BORCS7: variants seen among roughly 807,000 people sequenced by gnomAD.
The protein encoded by BORCS7 is BLOC-1 related complex subunit 7.
In BORCS7, 20 loss-of-function variants were observed where a neutral mutation model predicts 17.5. The ratio of observed to expected loss-of-function variants is 1.14; its 90% CI spans 0.80 to 1.66. The LOEUF (loss-of-function observed/expected upper bound fraction) is 1.66, where lower values mean the gene tolerates loss of function less well. Ranked by LOEUF, BORCS7 falls within the 40% of genes most tolerant of loss-of-function variation. BORCS7 has a pLI of 0.00. For missense variants in BORCS7, 122 were observed against 129.7 expected, an observed-to-expected ratio of 0.94 and a Z score of 0.29; for synonymous variants, 57 against 49.8, an observed-to-expected ratio of 1.14 and a Z score of -0.61.
Position 102,860,386 on chromosome 10 carries a change from T to G in BORCS7, c.196T>G (p.Ser66Ala). 2 of 1,614,036 alleles carry G rather than the reference T, an allele frequency of 1.2e-6. No homozygotes were observed. The highest frequency in any genetic ancestry group is 8.5e-7 in the Non-Finnish European group (1 of 1,179,926). The change falls in exon 2 of 5, where the codon TCA (serine) becomes GCA (alanine). Residue 66 changes from serine to alanine, a missense_variant. Coordinates refer to ENST00000339834, the MANE Select transcript of BORCS7 (RefSeq NM_001136200.2). ...ACTCCAGGAAGATGCCATCTTGCACTCAGAAGATGTAAGAAACAACTTTTT... is the reference window on the plus strand; with the variant it reads ...ACTCCAGGAAGATGCCATCTTGCACGCAGAAGATGTAAGAAACAACTTTTT... ...MVLQEDAILH[S>A]EDSLRKMAII...
intron 1 of BORCS7, among the ~76,000 whole-genome samples, chr10:102,859,816 G>C (rs944810230): frequency 4.0e-5 from 6 of 151,594 alleles, no homozygotes; most frequent in Non-Finnish European, 7.4e-5. Flanking sequence ...CACCCACCTT[G>C]GCCTCCCGAA....
In BORCS7 at chr10:102,863,585, T is replaced by A. The variant is rs1489250954; in HGVS notation, c.*661T>A. On this transcript the variant is annotated 3_prime_UTR_variant, in exon 5 of 5. Coordinates refer to ENST00000339834, the MANE Select transcript of BORCS7 (RefSeq NM_001136200.2). ...TTTCAGTACTTAAGCAAATACTGAG[T>A]AGTGTTTTAAATTCAGAAATAGAGC... 1.3e-5 allele frequency: 2 copies of A among 152,166 alleles called. No homozygotes were observed. The highest frequency in any genetic ancestry group is 4.8e-5 in the African/African-American group (2 of 41,442). 9.4% of individuals were successfully genotyped at this position (152,166 alleles called of 1,614,324 possible).
chr10:102,855,751 T>TG (rs1292692751), intron 1 of BORCS7, among the ~76,000 whole-genome samples: 4 of 151,992 alleles, frequency 2.6e-5, no homozygotes, highest in African/African-American at 9.7e-5. Context: ...GGTTAATCTT[T>TG]GTTTGTTTGT....
rs1844544324 is a variant in BORCS7 at position 102,863,025 on chromosome 10, A to T, written c.*101A>T. On this transcript the variant is annotated 3_prime_UTR_variant, in exon 5 of 5. Coordinates refer to ENST00000339834, the MANE Select transcript of BORCS7 (RefSeq NM_001136200.2). ...GTTTGGTTTTCTATTTTCTTCTCCA[A>T]AAGTTAAGTTAGAAAAGTTCTGTGT... The T allele has an allele frequency of 1.7e-6, 2 of 1,159,196 alleles. No homozygotes were observed. The highest frequency in any genetic ancestry group is 4.7e-5 in the East Asian group (2 of 42,284). 71.8% of individuals were successfully genotyped at this position (1,159,196 alleles called of 1,614,324 possible). A position where few individuals can be genotyped will look rare whatever the true frequency, so the allele number is the denominator to read the frequency against.
chr10:102,854,293 G>C lies in BORCS7; in HGVS notation c.7G>C (p.Ala3Pro), dbSNP rs763774245. 1.2e-6 allele frequency: 2 copies of C among 1,605,984 alleles called. No individual in the cohort carries two copies. The highest frequency in any genetic ancestry group is 2.7e-5 in the African/African-American group (2 of 74,864). The change falls in exon 1 of 5, where the codon GCG becomes CCG. Residue 3 changes from alanine to proline, a missense_variant. Transcript: ENST00000339834. ...CAACCGTTCGCTAACTGAAATGATG[G>C]CGACTGGAACGCCAGAGTCTCAAGC... MM[A>P]TGTPESQARF...
chr10:102,862,736 C>T (rs780974939), intron 4 of BORCS7, 137 bp from the exon 5 acceptor site: 7 of 705,420 alleles, frequency 9.9e-6, no homozygotes, highest in Admixed American at 2.4e-5. Context: ...ATTGCTTGAG[C>T]CCAGAGTTTG....
intron 1 of BORCS7, 31 bp downstream of exon 1, chr10:102,854,458 T>C: frequency 6.6e-7 from 1 of 1,513,432 alleles, no homozygotes; most frequent in Admixed American, 2.2e-5. Flanking sequence ...CCCGGCCTGA[T>C]AGTCCGGGGA....
At chr10:102,861,554 T>C (rs1177620168) in intron 3 of BORCS7, among the ~76,000 whole-genome samples, 1 of 150,458 alleles carries the variant, frequency 6.6e-6, no homozygotes, top group Non-Finnish European at 1.5e-5. Flanking sequence ...CCGTCTCTAC[T>C]AAAAATACAA....
intron 1 of BORCS7, among the ~76,000 whole-genome samples, chr10:102,856,381 C>T (rs1844427904): frequency 6.7e-6 from 1 of 149,826 alleles, no homozygotes; most frequent in African/African-American, 2.5e-5. Context: ...GATATCTTGT[C>T]TCTGTAAAAA....
rs919618551 is a variant in BORCS7 at position 102,854,337 on chromosome 10, G to A, written c.51G>A (p.Val17=). 9 of 1,598,354 alleles carry A rather than the reference G, an allele frequency of 5.6e-6. No individual in the cohort carries two copies. In the African/African-American group the frequency reaches 8.0e-5, roughly 14 times the overall value. ...CTCAAGCGCGGTTCGGTCAGTCCGT[G>A]AAGGGGCTTCTCACGGAGAAGGTGA... ...PESQARFGQS[V]KGLLTEKVTT... is the part of the protein sequence containing the mutation. Residue 17 remains valine (V), a synonymous_variant, in exon 1 of 5, where the codon GTG becomes GTA. Coordinates refer to ENST00000339834, the MANE Select transcript of BORCS7 (RefSeq NM_001136200.2).
At chr10:102,856,439 C>T (rs898632590) in intron 1 of BORCS7, among the ~76,000 whole-genome samples, 3 of 151,616 alleles carry the variant, frequency 2.0e-5, no homozygotes, top group Non-Finnish European at 4.4e-5. Context: ...GTGTGTATGG[C>T]ACTTATGCTT....
At position 102,860,570 on chromosome 10, in the gene BORCS7, G is replaced by A. The variant is rs1174382200; in HGVS notation, c.248+29G>A. 1.9e-6 allele frequency: 3 copies of A among 1,603,820 alleles called. No homozygotes were observed. The Admixed American group carries it at 5.0e-5, about 27-fold the overall frequency. On this transcript the variant is annotated intron_variant, in intron 3 of 4. Coordinates refer to ENST00000339834, the MANE Select transcript of BORCS7 (RefSeq NM_001136200.2). ...AGTATGCCCCCTCCAGCAACTATTTGCTGCAGAATCATTATCCCTGGTCTG... is the reference window on the plus strand; with the variant it reads ...AGTATGCCCCCTCCAGCAACTATTTACTGCAGAATCATTATCCCTGGTCTG...
intron 1 of BORCS7, among the ~76,000 whole-genome samples, chr10:102,855,618 C>T (rs1049993926): frequency 6.6e-6 from 1 of 152,110 alleles, no homozygotes; most frequent in African/African-American, 2.4e-5. Flanking sequence ...AAACTAAATC[C>T]CTCTACTTGG....
At chr10:102,862,752 G>T in intron 4 of BORCS7, 121 bp from the exon 5 acceptor site, 2 of 784,014 alleles carry the variant, frequency 2.6e-6, no homozygotes, top group Admixed American at 2.2e-5. Context: ...GTTTGAGATT[G>T]CCTTGTGCAG....
chr10:102,855,277 G>A (rs956376096), intron 1 of BORCS7, among the ~76,000 whole-genome samples: 5 of 150,568 alleles, frequency 3.3e-5, no homozygotes. Context: ...TCCCGCCTCA[G>A]CCTCCTGAGT....
chr10:102,861,504 G>T (rs1273683635), intron 3 of BORCS7, among the ~76,000 whole-genome samples: 2 of 151,002 alleles, frequency 1.3e-5, no homozygotes, highest in Non-Finnish European at 2.9e-5. Context: ...ATCACCTGAG[G>T]TCAGGAGTTC....
chr10:102,864,646 CGTATTT>C lies in BORCS7; in HGVS notation c.*1726_*1731del, dbSNP rs1210069050. ...TAAAATTTATATTAAATAATGAAAA[CGTATTT>C]GTACTGAATTTAGTCACTAGAGAAC... On this transcript the variant is annotated 3_prime_UTR_variant, in exon 5 of 5. Coordinates refer to ENST00000339834, the MANE Select transcript of BORCS7 (RefSeq NM_001136200.2). 2.6e-5 allele frequency: 4 copies of C among 151,840 alleles called. No homozygotes were observed. The highest frequency in any genetic ancestry group is 9.7e-5 in the African/African-American group (4 of 41,350). The allele number at this position is 151,840 out of a possible 1,614,324, so 9.4% of individuals were successfully genotyped here.
At position 102,862,904 on chromosome 10, in the gene BORCS7, T is replaced by C. The variant is rs145504732; in HGVS notation, c.301T>C (p.Leu101=). The C allele has an allele frequency of 5.4e-4, 875 of 1,610,856 alleles. 2 individuals carry two copies. The highest frequency in any genetic ancestry group is 9.0e-4 in the South Asian group (82 of 91,026). Residue 101 remains leucine, a synonymous_variant, in exon 5 of 5, where the codon TTG becomes CTG. Coordinates refer to ENST00000339834, the MANE Select transcript of BORCS7 (RefSeq NM_001136200.2). ...VEQSSDLQDQ[L]NHLLK The stretch of plus-strand genomic sequence containing the variant: ...ACAGTCATCGGATCTACAGGACCAG[T>C]TGAATCATCTGTTGAAATAGAATGA...
intron 1 of BORCS7, among the ~76,000 whole-genome samples, chr10:102,858,194 G>T (rs10883787): frequency 0.019 from 1,868 of 96,634 alleles, 46 homozygotes; most frequent in African/African-American, 0.057. Flanking sequence ...TATATATAGA[G>T]AGAGAGAGCG....
Sources: gnomAD v4.1 joint callset for allele counts (sites outside exome capture counted in the v4.1 genomes callset) on GRCh38, gnomAD v4.1.1 for gene constraint, MANE v1.5 for transcripts, NCBI Gene and HGNC (gene_info 2026-07-23, HGNC 2026-07-21) for gene names.